Variants in THBS4 observed in about 807,000 individuals in gnomAD.
THBS4 encodes thrombospondin-4.
In THBS4, 90 loss-of-function variants were observed where a neutral mutation model predicts 115.7. The ratio of observed to expected loss-of-function variants is 0.78; its 90% CI spans 0.66 to 0.93. The LOEUF is 0.93. Ranked by LOEUF, THBS4 falls within the 40% of genes least tolerant of loss-of-function variation. The pLI is 0.00. For synonymous variants in THBS4, 460 were observed against 479.3 expected (o/e 0.96, Z 0.53); for missense variants, 1,087 against 1,232.7 (o/e 0.88, Z 1.77).
chr5:80,078,103 A>G lies in THBS4; in HGVS notation c.2141A>G (p.Asp714Gly). ...ESDFDQDQVIDRIDVCPENAE... is the reference protein window; with the variant it reads ...ESDFDQDQVIGRIDVCPENAE... ...GACTTTGACCAGGACCAGGTCATCGATCGGATCGACGTCTGCCCAGAGAAC... is the reference window on the plus strand; with the variant it reads ...GACTTTGACCAGGACCAGGTCATCGGTCGGATCGACGTCTGCCCAGAGAAC... Residue 714 changes from aspartate (D) to glycine (G), a missense_variant, in exon 17 of 22, where the codon GAT becomes GGT. By Grantham distance (94) the Asp-to-Gly change is moderately conservative (BLOSUM62 -1). Transcript: ENST00000350881. The G allele has an allele frequency of 6.2e-7, 1 of 1,610,330 alleles. No homozygotes were observed. The highest frequency in any genetic ancestry group is 8.5e-7 in the Non-Finnish European group (1 of 1,177,572).
intron 20 of THBS4, among the ~76,000 whole-genome samples, chr5:80,080,579 CTTTTTTTTTTTT>C (rs67048630): frequency 3.6e-4 from 18 of 50,498 alleles, no homozygotes; most frequent in South Asian, 2.1e-3. Flanking sequence ...GCGCTTGTAT[CTTTTTTTTTTTT>C]TTTTTTTTTT....
Position 80,055,905 on chromosome 5 carries a change from C to T in THBS4, c.413C>T (p.Ala138Val). ...AGGCTGAGCAATTTGCAGCGAGGGG[C>T]CGGCTCCCTAGAGCTCTACCTGGAC... The part of the protein sequence containing the change: ...LLRLSNLQRG[A>V]GSLELYLDCI... The change falls in exon 3 of 22, where the codon GCC becomes GTC. Residue 138 changes from alanine to valine, a missense_variant. Physicochemically the swap from Ala to Val is moderately conservative, Grantham distance 64. Around this residue, in one of 3 missense-constraint regions of THBS4, gnomAD observed 979 missense variants for 1,103.7 expected, o/e 0.89. Transcript: ENST00000350881. The T allele has an allele frequency of 6.2e-7, 1 of 1,614,172 alleles. No homozygotes were observed. The highest frequency in any genetic ancestry group is 1.7e-5 in the Admixed American group (1 of 60,024).
At chr5:80,026,222 A>G (rs1441076594) in intron 2 of THBS4, among the ~76,000 whole-genome samples, 6 of 152,174 alleles carry the variant, frequency 3.9e-5, no homozygotes, top group Admixed American at 3.9e-4. Context: ...GGAAAGAAAC[A>G]CTATACTTAG....
At chr5:80,035,344 G>T (rs1270754256), upstream of THBS4, 8 of 185,510 alleles carry the variant, frequency 4.3e-5, no homozygotes, top group Non-Finnish European at 8.7e-5. This position sits in a 1 kb window ranked among gnomAD's most constrained non-coding sequence, Gnocchi z 4.6. Flanking sequence ...CTGCCGCGGA[G>T]CCCAGCAGCC....
intron 1 of THBS4, among the ~76,000 whole-genome samples, chr5:79,995,640 G>A (rs1385903203): frequency 1.3e-5 from 2 of 152,156 alleles, no homozygotes; most frequent in Admixed American, 1.3e-4. Context: ...TGCCCTAAGA[G>A]TTGAGGCTGA....
chr5:80,080,579 C>CTTT (rs67048630), intron 20 of THBS4, among the ~76,000 whole-genome samples: 776 of 50,468 alleles, frequency 0.015, 98 homozygotes, highest in East Asian at 0.045. Context: ...GCGCTTGTAT[C>CTTT]TTTTTTTTTT....
chr5:80,077,285 A>G (rs1389418385), intron 16 of THBS4, among the ~76,000 whole-genome samples: 1 of 152,130 alleles, frequency 6.6e-6, no homozygotes, highest in African/African-American at 2.4e-5. Flanking sequence ...CAACCCTAGG[A>G]TGCCATCACA....
intron 2 of THBS4, among the ~76,000 whole-genome samples, chr5:80,015,038 A>G (rs1236476680): frequency 6.6e-6 from 1 of 152,232 alleles, no homozygotes. Context: ...ACTCTCAAAA[A>G]CTTGGAAATG....
chr5:80,053,564 G>C (rs1420737927), intron 2 of THBS4, among the ~76,000 whole-genome samples: 1 of 152,062 alleles, frequency 6.6e-6, no homozygotes, highest in African/African-American at 2.4e-5. Context: ...GAAAAGTTCT[G>C]CTTTAAGTTC....
chr5:80,081,992 A>G (rs1477618800), intron 20 of THBS4: 1 of 159,264 alleles, frequency 6.3e-6, no homozygotes, highest in Non-Finnish European at 1.4e-5. Flanking sequence ...AATCAGACCA[A>G]AGGAAAAGCC....
At chr5:80,045,877 C>T (rs796359787) in intron 2 of THBS4, among the ~76,000 whole-genome samples, 2 of 152,240 alleles carry the variant, frequency 1.3e-5, no homozygotes, top group East Asian at 3.9e-4. Flanking sequence ...AAGCTCAAAG[C>T]CTATTTCCCC....
intron 1 of THBS4, among the ~76,000 whole-genome samples, chr5:80,039,300 A>C (rs918593418): frequency 6.6e-6 from 1 of 152,236 alleles, no homozygotes; most frequent in East Asian, 1.9e-4. Flanking sequence ...TGCCTTTTAA[A>C]TGACTCTGGG....
chr5:80,042,365 T>C (rs943677194), intron 2 of THBS4, among the ~76,000 whole-genome samples: 2 of 152,242 alleles, frequency 1.3e-5, no homozygotes, highest in African/African-American at 4.8e-5. Flanking sequence ...ACCTGTCTAT[T>C]TCAGAGGCAT....
At chr5:80,003,357 AGAG>A (rs1831947504) in intron 2 of THBS4, among the ~76,000 whole-genome samples, 1 of 152,180 alleles carries the variant, frequency 6.6e-6, no homozygotes, top group Non-Finnish European at 1.5e-5. Context: ...GATGAGAAGA[AGAG>A]GAGAAGTAAG....
chr5:80,001,753 A>G (rs1381631392), intron 2 of THBS4, among the ~76,000 whole-genome samples: 3 of 152,234 alleles, frequency 2.0e-5, no homozygotes, highest in Non-Finnish European at 4.4e-5. Context: ...GTAGATAATG[A>G]TGAGAAATAA....
At position 80,061,866 on chromosome 5, in the gene THBS4, A is replaced by G. The variant is rs765195899; in HGVS notation, c.1125+34A>G. ...AAGTCATGGTTTCTATTCATTTCTC[A>G]TCTTAACAAAACAACTGTGGTTGGT... On this transcript the variant is annotated intron_variant, in intron 8 of 21. Transcript: ENST00000350881. The G allele has an allele frequency of 9.6e-6, 15 of 1,570,312 alleles. No individual in the cohort carries two copies. In the East Asian group the frequency reaches 1.1e-4, roughly 12 times the overall value.
At chr5:80,079,368 AT>A in intron 19 of THBS4, 110 bp downstream of exon 19, 1 of 1,201,698 alleles carries the variant, frequency 8.3e-7, no homozygotes, top group Non-Finnish European at 1.1e-6. Context: ...AAATTGATGC[AT>A]TTATGCTAAC....
At chr5:80,021,834 C>A (rs924140362) in intron 2 of THBS4, among the ~76,000 whole-genome samples, 1 of 152,124 alleles carries the variant, frequency 6.6e-6, no homozygotes, top group African/African-American at 2.4e-5. Flanking sequence ...ACTTTTCATT[C>A]AACTTTTTTG....
Position 80,071,053 on chromosome 5 carries a change from A to G in THBS4, c.1593A>G (p.Gln531=). 1 of 1,613,472 alleles carries G rather than the reference A, an allele frequency of 6.2e-7. No individual in the cohort carries two copies. Among genetic ancestry groups the G allele is most frequent in the Non-Finnish European group, 8.5e-7 (1 of 1,179,904 alleles). Residue 531 remains glutamine, a synonymous_variant, in exon 13 of 22, where the codon CAA becomes CAG. Coordinates refer to ENST00000350881, the MANE Select transcript of THBS4 (RefSeq NM_003248.6). ...GTGTCCTGATTCATAATGTGGACCAAAGGAACAGCGATAAAGATATCTTTG... is the reference window on the plus strand; with the variant it reads ...GTGTCCTGATTCATAATGTGGACCAGAGGAACAGCGATAAAGATATCTTTG... ...DNCVLIHNVD[Q]RNSDKDIFGD...
Sources: allele counts gnomAD v4.1 joint callset (sites outside exome capture counted in the v4.1 genomes callset), GRCh38; gene constraint gnomAD v4.1.1; regional missense constraint gnomAD v4.1.1; non-coding constraint Gnocchi (gnomAD v3.1); transcripts MANE v1.5; gene names NCBI Gene and HGNC (gene_info 2026-07-23, HGNC 2026-07-21).